The following GRID2 variants were observed in gnomAD, a reference collection of about 807,000 sequenced individuals.
The protein encoded by GRID2 is glutamate ionotropic receptor delta type subunit 2.
A neutral mutation model predicts 114.8 loss-of-function variants in GRID2; 33 were observed. That is an observed-to-expected ratio of 0.29 (90% CI 0.22 to 0.38). The LOEUF (loss-of-function observed/expected upper bound fraction) is 0.38. Among genes scored for constraint, GRID2 ranks in the 10% least tolerant of loss-of-function variants. The pLI, the probability that GRID2 is intolerant of heterozygous loss-of-function variation, is 1.00. For missense variants in GRID2, 1,184 were observed against 1,257.7 expected (o/e 0.94, Z 0.89); for synonymous variants, 505 against 449.9 (o/e 1.12, Z -1.55).
intron 6 of GRID2, among the ~76,000 whole-genome samples, chr4:93,219,468 G>A (rs1251640123): frequency 5.3e-5 from 8 of 152,148 alleles, no homozygotes; most frequent in Non-Finnish European, 1.2e-4. Flanking sequence ...CCCACAGATG[G>A]AAGAAAACAA....
chr4:92,965,076 G>A (rs1435166040), intron 2 of GRID2, among the ~76,000 whole-genome samples: 2 of 151,946 alleles, frequency 1.3e-5, no homozygotes, highest in East Asian at 3.9e-4. Context: ...GAGGTGGGAC[G>A]CTTCCTTTCA....
intron 13 of GRID2, among the ~76,000 whole-genome samples, chr4:93,516,134 A>G (rs1256599712): frequency 6.6e-6 from 1 of 152,128 alleles, no homozygotes; most frequent in Non-Finnish European, 1.5e-5. Flanking sequence ...TTGACATTTA[A>G]TAAATAATTA....
chr4:92,686,056 G>T (rs1382277539), intron 2 of GRID2, among the ~76,000 whole-genome samples: 1 of 151,926 alleles, frequency 6.6e-6, no homozygotes, highest in Admixed American at 6.6e-5. Context: ...GGAGAAAAAA[G>T]AAGCTGAATG....
chr4:93,182,155 A>G (rs920417375), intron 4 of GRID2, among the ~76,000 whole-genome samples: 2 of 152,162 alleles, frequency 1.3e-5, no homozygotes, highest in Admixed American at 6.6e-5. Context: ...ATATCTGATA[A>G]TGGTCTTCTC....
At chr4:92,882,274 A>G (rs779266974) in intron 2 of GRID2, among the ~76,000 whole-genome samples, 28 of 152,222 alleles carry the variant, frequency 1.8e-4, no homozygotes, top group Admixed American at 3.9e-4. Context: ...GCTAAATATC[A>G]AGCAACAGAG....
At chr4:92,685,535 T>C (rs898330987) in intron 2 of GRID2, among the ~76,000 whole-genome samples, 5 of 152,090 alleles carry the variant, frequency 3.3e-5, no homozygotes, top group Non-Finnish European at 4.4e-5. Context: ...TAATCTCATA[T>C]GAGTTAACAT....
intron 4 of GRID2, among the ~76,000 whole-genome samples, chr4:93,184,890 C>T (rs922434504): frequency 2.0e-4 from 31 of 151,854 alleles, no homozygotes; most frequent in Admixed American, 2.0e-3. Context: ...TGAAAAAAAA[C>T]ACAAAAAACA....
chr4:93,550,930 T>C (rs892178234), intron 13 of GRID2, among the ~76,000 whole-genome samples: 4 of 152,186 alleles, frequency 2.6e-5, no homozygotes, highest in African/African-American at 9.7e-5. Context: ...TGAGGCACTA[T>C]AGAATAACGG....
At chr4:92,542,572 G>T (rs927563762) in intron 1 of GRID2, among the ~76,000 whole-genome samples, 2 of 151,970 alleles carry the variant, frequency 1.3e-5, no homozygotes, top group Non-Finnish European at 2.9e-5. Context: ...ATAAGTGAGA[G>T]CTAAGCTATG....
At chr4:92,509,823 C>A (rs1375665860) in intron 1 of GRID2, among the ~76,000 whole-genome samples, 1 of 151,946 alleles carries the variant, frequency 6.6e-6, no homozygotes, top group Non-Finnish European at 1.5e-5. Context: ...TGTAGGAACA[C>A]CAAAAGCCCA....
rs545436578 is a variant in GRID2 at position 93,590,530 on chromosome 4, C to T, written c.2194-35739C>T. ...TTCTTTTGGCTTAGGATTGACTTGG[C>T]GATGCGGGCTCTTTTTTGGTTCCAT... On this transcript the variant is annotated intron_variant, in intron 13 of 15. Coordinates refer to ENST00000282020, the MANE Select transcript of GRID2 (RefSeq NM_001510.4). 7.8e-3 allele frequency among the ~76,000 whole-genome samples: 1,180 copies of T among 151,306 alleles called. 10 individuals carry two copies. The highest frequency in any genetic ancestry group is 0.016 in the South Asian group (78 of 4,738).
intron 4 of GRID2, among the ~76,000 whole-genome samples, chr4:93,167,553 A>G (rs1738371634): frequency 6.6e-6 from 1 of 152,134 alleles, no homozygotes; most frequent in Non-Finnish European, 1.5e-5. Context: ...TCTGCAACAC[A>G]ACCACCACCA....
chr4:92,703,215 G>A (rs191126283), intron 2 of GRID2, among the ~76,000 whole-genome samples: 47 of 152,224 alleles, frequency 3.1e-4, no homozygotes, highest in Middle Eastern at 6.8e-3. Context: ...ATCTGAATAC[G>A]AGAAAGACAT....
chr4:92,329,993 A>AAGAGAGAG (rs3076580), intron 1 of GRID2, among the ~76,000 whole-genome samples: 5,193 of 132,438 alleles, frequency 0.039, 140 homozygotes, highest in East Asian at 0.054. Flanking sequence ...TATGGGAGGA[A>AAGAGAGAG]AGAGAGAGAG....
intron 1 of GRID2, among the ~76,000 whole-genome samples, chr4:92,445,169 A>C (rs1225829125): frequency 6.6e-6 from 1 of 152,226 alleles, no homozygotes; most frequent in Non-Finnish European, 1.5e-5. Context: ...ACAGTGCTAC[A>C]AAGTAGATGA....
chr4:93,799,456 A>G (rs1031137597), intron 1 of GRID2, among the ~76,000 whole-genome samples: 4 of 152,086 alleles, frequency 2.6e-5, no homozygotes, highest in Non-Finnish European at 4.4e-5. Context: ...TTTTTAACAA[A>G]AATCTTTAGA....
intron 8 of GRID2, among the ~76,000 whole-genome samples, chr4:93,259,854 TA>T (rs1440153166): frequency 2.0e-5 from 3 of 151,758 alleles, no homozygotes; most frequent in South Asian, 2.1e-4. Flanking sequence ...GTCTAAGTGA[TA>T]GGGGGCATGT....
At chr4:92,705,790 T>A (rs1734924337) in intron 2 of GRID2, among the ~76,000 whole-genome samples, 1 of 152,232 alleles carries the variant, frequency 6.6e-6, no homozygotes, top group African/African-American at 2.4e-5. Flanking sequence ...ATTAGAATGC[T>A]GTCAGTAACT....
chr4:92,844,195 C>A (rs931846832), intron 2 of GRID2, among the ~76,000 whole-genome samples: 1 of 152,086 alleles, frequency 6.6e-6, no homozygotes, highest in East Asian at 1.9e-4. Flanking sequence ...TGAGAAAAAT[C>A]TGTCAGATAC....
Sources: allele counts gnomAD v4.1 joint callset (sites outside exome capture counted in the v4.1 genomes callset), GRCh38; gene constraint gnomAD v4.1.1; transcripts MANE v1.5; gene names NCBI Gene and HGNC (gene_info 2026-07-23, HGNC 2026-07-21).